The following PRELID2 variants were observed in gnomAD, a reference collection of about 807,000 sequenced individuals.
The protein encoded by PRELID2 is PRELI domain containing 2, also known as PRELI domain-containing protein 2.
In PRELID2, 25 loss-of-function variants were observed where a neutral mutation model predicts 28.4. The observed-to-expected ratio is 0.88, with a 90% CI of 0.64 to 1.23. The LOEUF (loss-of-function observed/expected upper bound fraction) is 1.23, where lower values mean the gene tolerates loss of function less well. Ranked by LOEUF, PRELID2 falls within the 50% of genes most tolerant of loss-of-function variation. The probability of loss-of-function intolerance (pLI) is 0.00; values close to 1 mark genes in which losing one functional copy is unlikely to be tolerated. For missense variants in PRELID2, 201 were observed against 214.4 expected, an observed-to-expected ratio of 0.94 and a Z score of 0.39; for synonymous variants, 76 against 71.6, an observed-to-expected ratio of 1.06 and a Z score of -0.31.
chr5:145,523,839 ATTACT>A (rs1311305946), intron 1 of PRELID2, among the ~76,000 whole-genome samples: 1 of 152,168 alleles, frequency 6.6e-6, no homozygotes, highest in Non-Finnish European at 1.5e-5. Flanking sequence ...CATATGATAA[ATTACT>A]TTAAACTTTT....
At chr5:145,518,108 T>A (rs1393016483) in intron 1 of PRELID2, among the ~76,000 whole-genome samples, 2 of 149,616 alleles carry the variant, frequency 1.3e-5, no homozygotes, top group Non-Finnish European at 3.0e-5. Context: ...ACCTGCACAT[T>A]TTGCAAATGT....
intron 1 of PRELID2, among the ~76,000 whole-genome samples, chr5:145,659,516 T>A (rs1012451016): frequency 3.9e-5 from 6 of 152,234 alleles, no homozygotes; most frequent in Non-Finnish European, 7.3e-5. Context: ...GCTGGAAAGT[T>A]GGAATATTCA....
chr5:145,418,905 G>C, the PRELID2 span, among the ~76,000 whole-genome samples: 5 of 141,750 alleles, frequency 3.5e-5, no homozygotes, highest in Non-Finnish European at 6.0e-5. Flanking sequence ...ACAGTCCCCA[G>C]AGTGTGATAT....
At chr5:145,601,027 A>G (rs919387455) in intron 1 of PRELID2, among the ~76,000 whole-genome samples, 3 of 152,100 alleles carry the variant, frequency 2.0e-5, no homozygotes, top group Non-Finnish European at 4.4e-5. Context: ...ATAGTGAAGC[A>G]TGCCTGTAGT....
intron 1 of PRELID2, among the ~76,000 whole-genome samples, chr5:145,541,183 C>T (rs755600567): frequency 7.2e-5 from 11 of 151,900 alleles, no homozygotes; most frequent in African/African-American, 1.4e-4. Context: ...TAGATTTCTA[C>T]GTTTTGACAG....
At chr5:145,803,718 A>G (rs1753302356) in intron 4 of PRELID2, among the ~76,000 whole-genome samples, 1 of 126,792 alleles carries the variant, frequency 7.9e-6, no homozygotes, top group African/African-American at 3.0e-5. Context: ...AACCACCATT[A>G]TTATTCCAAT....
chr5:145,479,178 C>T (rs1752134314), intron 1 of PRELID2, among the ~76,000 whole-genome samples: 1 of 152,146 alleles, frequency 6.6e-6, no homozygotes, highest in Admixed American at 6.5e-5. Context: ...AATCCTTTCC[C>T]TTGCTCTCTG....
At chr5:145,740,142 T>C (rs1317458128) in intron 1 of PRELID2, among the ~76,000 whole-genome samples, 2 of 149,528 alleles carry the variant, frequency 1.3e-5, no homozygotes, top group African/African-American at 4.9e-5. Flanking sequence ...GATTTAAGTA[T>C]ATATATCATA....
At chr5:145,287,474 T>C in the PRELID2 span, among the ~76,000 whole-genome samples, 1 of 152,190 alleles carries the variant, frequency 6.6e-6, no homozygotes, top group Non-Finnish European at 1.5e-5. Flanking sequence ...AGTGAGATTT[T>C]ATCACACTAC....
the PRELID2 span, among the ~76,000 whole-genome samples, chr5:145,336,274 T>C: frequency 6.6e-6 from 1 of 152,002 alleles, no homozygotes; most frequent in Non-Finnish European, 1.5e-5. Context: ...GCTCTTTAGT[T>C]TAATTAGATC....
chr5:145,357,917 T>C, the PRELID2 span, among the ~76,000 whole-genome samples: 2 of 151,944 alleles, frequency 1.3e-5, no homozygotes, highest in African/African-American at 4.8e-5. Flanking sequence ...TTGGATTTTT[T>C]TTTTTTTTGG....
chr5:145,409,012 G>T, the PRELID2 span, among the ~76,000 whole-genome samples: 13 of 152,250 alleles, frequency 8.5e-5, no homozygotes, highest in Admixed American at 7.9e-4. Context: ...CAGATTAACA[G>T]CAGATTTCTC....
At chr5:145,415,615 A>C in the PRELID2 span, among the ~76,000 whole-genome samples, 1 of 150,084 alleles carries the variant, frequency 6.7e-6, no homozygotes, top group Non-Finnish European at 1.5e-5. Flanking sequence ...TGAACTCATC[A>C]TTTTTTATGG....
chr5:145,514,804 C>T (rs1421938495), intron 1 of PRELID2, among the ~76,000 whole-genome samples: 1 of 152,058 alleles, frequency 6.6e-6, no homozygotes. Context: ...TCATAACAAA[C>T]AGTCTTAGAC....
At chr5:145,651,044 G>A (rs1754287640) in intron 1 of PRELID2, among the ~76,000 whole-genome samples, 2 of 152,250 alleles carry the variant, frequency 1.3e-5, no homozygotes, top group African/African-American at 4.8e-5. Context: ...CTGGAAAATC[G>A]GGTCACTCTC....
At chr5:145,474,039 A>G (rs984781261) in intron 1 of PRELID2, among the ~76,000 whole-genome samples, 2 of 152,174 alleles carry the variant, frequency 1.3e-5, no homozygotes, top group Non-Finnish European at 2.9e-5. Context: ...TGGCTCCACT[A>G]AAGGAAAAAC....
At chr5:145,608,135 C>T (rs1046500430) in intron 1 of PRELID2, among the ~76,000 whole-genome samples, 1 of 151,706 alleles carries the variant, frequency 6.6e-6, no homozygotes, top group Non-Finnish European at 1.5e-5. Flanking sequence ...TACTTTGAGC[C>T]TATGCTCATC....
At chr5:145,729,080 T>A in intron 1 of PRELID2, 3 of 598,638 alleles carry the variant, frequency 5.0e-6, no homozygotes, top group Non-Finnish European at 6.0e-6. Context: ...GTAAGCAGAA[T>A]GTTTGCTTTC....
the PRELID2 span, among the ~76,000 whole-genome samples, chr5:145,269,470 C>A: frequency 6.6e-6 from 1 of 151,910 alleles, no homozygotes; most frequent in African/African-American, 2.4e-5. Context: ...TTACCATACC[C>A]CATAACCCAA....
Sources: allele counts gnomAD v4.1 joint callset (sites outside exome capture counted in the v4.1 genomes callset), GRCh38; gene constraint gnomAD v4.1.1; transcripts MANE v1.5; gene names NCBI Gene and HGNC (gene_info 2026-07-23, HGNC 2026-07-21).